The following NOL7 variants were observed in gnomAD, a reference collection of about 807,000 sequenced individuals.
NOL7 encodes U3 small nucleolar RNA-associated protein NOL7.
Under a neutral mutation model 38.4 loss-of-function variants are expected in NOL7, and 36 were observed. That is an observed-to-expected ratio of 0.94 (90% confidence interval 0.72 to 1.24). NOL7 has a LOEUF of 1.24. NOL7 is among the 50% of genes most tolerant of loss of function. NOL7 has a pLI of 0.00. For synonymous variants in NOL7, 142 were observed against 126.5 expected, an observed-to-expected ratio of 1.12 and a Z score of -0.82; for missense variants, 350 against 315.1, an observed-to-expected ratio of 1.11 and a Z score of -0.84.
downstream of NOL7, chr6:13,621,782 G>T (rs1489442087): frequency 6.6e-6 from 1 of 152,634 alleles, no homozygotes; most frequent in Admixed American, 6.5e-5. Context: ...AAACTACTGG[G>T]ACTAACAGGT....
chr6:13,629,201 T>G (rs1048957947), intron 8 of NOL7, among the ~76,000 whole-genome samples: 1 of 152,144 alleles, frequency 6.6e-6, no homozygotes, highest in African/African-American at 2.4e-5. Context: ...GCCTCGAGCT[T>G]CTGGGCTCAA....
At chr6:13,620,122 G>T in intron 5 of NOL7, 86 bp from the exon 6 acceptor site, 1 of 1,449,412 alleles carries the variant, frequency 6.9e-7, no homozygotes, top group South Asian at 1.4e-5. Flanking sequence ...CAGCCTGGGT[G>T]ACAGAGCGAG....
At chr6:13,617,211 A>G (rs1476135948) in intron 3 of NOL7, among the ~76,000 whole-genome samples, 1 of 151,790 alleles carries the variant, frequency 6.6e-6, no homozygotes, top group Non-Finnish European at 1.5e-5. Flanking sequence ...ATCTTTTAAA[A>G]CCAAGCTCAA....
At chr6:13,622,413 T>C (rs1764477322), downstream of NOL7, 3 of 1,601,356 alleles carry the variant, frequency 1.9e-6, no homozygotes, top group South Asian at 3.4e-5. Context: ...CAATTCCTGA[T>C]CGAGCCATCA....
intron 8 of NOL7, among the ~76,000 whole-genome samples, chr6:13,627,630 C>CAAAAAAAAAAAAAAAAAAAAA: frequency 1.5e-5 from 1 of 66,402 alleles, no homozygotes; most frequent in East Asian, 4.5e-4. Context: ...ACTCCATCTC[C>CAAAAAAAAAAAAAAAAAAAAA]AAAAAAAAAA....
At chr6:13,629,919 CTCGTGT>C (rs1378323053) in intron 8 of NOL7, among the ~76,000 whole-genome samples, 3,677 of 129,970 alleles carry the variant, frequency 0.028, 56 homozygotes, top group Non-Finnish European at 0.032. Context: ...CTCTCTCTCT[CTCGTGT>C]GTGTGTGTGT....
chr6:13,629,895 GTCTCTC>G (rs35437953), intron 8 of NOL7, among the ~76,000 whole-genome samples: 93 of 143,918 alleles, frequency 6.5e-4, no homozygotes, highest in South Asian at 1.2e-3. Flanking sequence ...TCATGTCTCT[GTCTCTC>G]TCTCTCTCTC....
chr6:13,622,373 A>G (rs763957474), downstream of NOL7: 10 of 1,584,908 alleles, frequency 6.3e-6, no homozygotes, highest in Admixed American at 1.8e-5. Flanking sequence ...TAATGTAGGT[A>G]GTCTTCCACT....
intron 5 of NOL7, among the ~76,000 whole-genome samples, chr6:13,619,475 A>G (rs1764377846): frequency 6.6e-6 from 1 of 152,260 alleles, no homozygotes; most frequent in African/African-American, 2.4e-5. Context: ...GATCAAATAT[A>G]GAAACAAATG....
chr6:13,622,214 C>A, downstream of NOL7: 1 of 728,116 alleles, frequency 1.4e-6, no homozygotes. Flanking sequence ...TCATTTGCAT[C>A]ATGCTGTAAA....
chr6:13,622,489 G>C (rs112516735), downstream of NOL7: 2 of 1,561,094 alleles, frequency 1.3e-6, no homozygotes, highest in South Asian at 2.4e-5. Context: ...CAGATTGTGG[G>C]TTTCTGAGGA....
chr6:13,625,375 A>G (rs1171888030), downstream of NOL7, among the ~76,000 whole-genome samples: 1 of 152,116 alleles, frequency 6.6e-6, no homozygotes, highest in African/African-American at 2.4e-5. Context: ...AGAAGTAGAC[A>G]TTCGTGGCTA....
In NOL7 at chr6:13,620,195, T is replaced by G; in HGVS notation, c.501-13T>G. On this transcript the variant is annotated splice_polypyrimidine_tract_variant and intron_variant, in intron 5 of 7. Coordinates refer to ENST00000451315, the MANE Select transcript of NOL7 (RefSeq NM_016167.5). ...TGTGTAATTCTTATTTAACCTTTTA[T>G]ATTGATCAACAGCCAGAATAAAAGC... 6.3e-7 allele frequency: 1 copy of G among 1,599,974 alleles called. No homozygotes were observed. Among genetic ancestry groups the G allele is most frequent in the Non-Finnish European group, 8.5e-7 (1 of 1,176,364 alleles).
At chr6:13,617,222 G>C (rs1196535198) in intron 3 of NOL7, among the ~76,000 whole-genome samples, 1 of 151,842 alleles carries the variant, frequency 6.6e-6, no homozygotes, top group Admixed American at 6.6e-5. Context: ...CCAAGCTCAA[G>C]TGTCACCTTT....
intron 5 of NOL7, among the ~76,000 whole-genome samples, chr6:13,618,833 G>A (rs1764357427): frequency 6.6e-6 from 1 of 152,210 alleles, no homozygotes; most frequent in Non-Finnish European, 1.5e-5. Context: ...CGAGGCTGCA[G>A]TGAGGCGAGA....
intron 3 of NOL7, 45 bp from the exon 4 acceptor site, chr6:13,617,725 A>G (rs755224285): frequency 2.7e-5 from 43 of 1,590,550 alleles, no homozygotes; most frequent in Admixed American, 2.2e-4. Context: ...GTTTTGAGTA[A>G]TCTTTACTGC....
chr6:13,616,955 T>C (rs1764309152), intron 3 of NOL7, among the ~76,000 whole-genome samples: 2 of 152,240 alleles, frequency 1.3e-5, no homozygotes, highest in East Asian at 1.9e-4. Context: ...TGGTGTTTTA[T>C]GGTTTAAAGC....
intron 8 of NOL7, among the ~76,000 whole-genome samples, chr6:13,630,886 G>A (rs1210340965): frequency 6.6e-6 from 1 of 151,728 alleles, no homozygotes; most frequent in African/African-American, 2.4e-5. Context: ...TGTTGCACAG[G>A]CTGAACCTGA....
chr6:13,632,240 C>A (rs1172040801), intron 8 of NOL7: 3 of 676,302 alleles, frequency 4.4e-6, no homozygotes, highest in Non-Finnish European at 6.5e-6. Flanking sequence ...CTCAGATGGG[C>A]AAGGAGCCAG....
Sources: allele counts gnomAD v4.1 joint callset (sites outside exome capture counted in the v4.1 genomes callset), GRCh38; gene constraint gnomAD v4.1.1; transcripts MANE v1.5; gene names NCBI Gene and HGNC (gene_info 2026-07-23, HGNC 2026-07-21).